Variants in DNM3 observed in about 807,000 individuals in gnomAD.
The protein encoded by DNM3 is dynamin-3.
A neutral mutation model predicts 101.6 loss-of-function variants in DNM3; 47 were observed. The ratio of observed to expected loss-of-function variants is 0.46; its 90% CI spans 0.37 to 0.59. The LOEUF (loss-of-function observed/expected upper bound fraction) is 0.59, where lower values mean the gene tolerates loss of function less well. DNM3 is among the 20% of genes least tolerant of loss of function. The pLI is 0.00. For synonymous variants in DNM3, 385 were observed against 387.9 expected (o/e 0.99, Z 0.09); for missense variants, 849 against 1,085.7 (o/e 0.78, Z 3.06).
intron 13 of DNM3, among the ~76,000 whole-genome samples, chr1:172,110,369 T>C (rs961526813): frequency 3.5e-4 from 54 of 152,240 alleles, no homozygotes; most frequent in Non-Finnish European, 1.3e-4. Context: ...TATCTACTTG[T>C]TTAATGTCCA....
chr1:172,110,356 G>T (rs548028728), intron 13 of DNM3, among the ~76,000 whole-genome samples: 197 of 152,236 alleles, frequency 1.3e-3, no homozygotes, highest in Middle Eastern at 0.01. Context: ...CCACAGTTTT[G>T]TATATCTACT....
At chr1:172,131,395 G>A (rs1461370599) in intron 14 of DNM3, 107 bp downstream of exon 14, 1 of 902,766 alleles carries the variant, frequency 1.1e-6, no homozygotes, top group Non-Finnish European at 1.7e-6. Context: ...TTCTCTTTCA[G>A]TGAGATTAAG....
In DNM3 at chr1:171,981,382, A is replaced by G. The variant is rs145540027; in HGVS notation, c.236-6274A>G. On this transcript the variant is annotated intron_variant, in intron 2 of 20. Coordinates refer to ENST00000627582, the MANE Select transcript of DNM3 (RefSeq NM_015569.5). The stretch of plus-strand genomic sequence containing the variant: ...AGAGATCATTTTTTCCTAGTGCTCT[A>G]TAATAATTCCTTTCTACTTAACCTT... Among the ~76,000 whole-genome samples the G allele has an allele frequency of 3.2e-4, 49 of 152,350 alleles. No homozygotes were observed. The East Asian group carries it at 8.3e-3, about 26-fold the overall frequency.
chr1:172,062,508 A>G (rs2051320943), intron 10 of DNM3, among the ~76,000 whole-genome samples: 1 of 152,058 alleles, frequency 6.6e-6, no homozygotes, highest in Admixed American at 6.5e-5. Context: ...AAGTTTTTCC[A>G]TCTTATACCT....
At chr1:172,009,155 T>C (rs2046950611) in intron 4 of DNM3, among the ~76,000 whole-genome samples, 1 of 140,306 alleles carries the variant, frequency 7.1e-6, no homozygotes, top group Non-Finnish European at 1.5e-5. Flanking sequence ...TATTATATGA[T>C]ATATAATATT....
intron 14 of DNM3, among the ~76,000 whole-genome samples, chr1:172,238,214 A>G (rs1044029574): frequency 1.3e-5 from 2 of 152,126 alleles, no homozygotes; most frequent in Non-Finnish European, 2.9e-5. Flanking sequence ...TAATTCTCAC[A>G]AGAACTCACA....
chr1:172,027,349 C>T (rs1203806680), intron 4 of DNM3, among the ~76,000 whole-genome samples: 3 of 152,026 alleles, frequency 2.0e-5, no homozygotes, highest in African/African-American at 7.2e-5. Context: ...CTTTAGGATG[C>T]CGAGGTGGGT....
chr1:171,872,149 C>T (rs2035355826), intron 1 of DNM3, among the ~76,000 whole-genome samples: 1 of 152,082 alleles, frequency 6.6e-6, no homozygotes, highest in African/African-American at 2.4e-5. Flanking sequence ...CAGAGATCAT[C>T]ACATTTGAGT....
chr1:172,286,295 C>T (rs1399862692), intron 15 of DNM3, among the ~76,000 whole-genome samples: 1 of 152,066 alleles, frequency 6.6e-6, no homozygotes, highest in African/African-American at 2.4e-5. Flanking sequence ...CAGGCTATTA[C>T]CATATATTCT....
chr1:172,409,342 T>C lies in DNM3; in HGVS notation c.*1501T>C, dbSNP rs2071084749. 1.0e-6 allele frequency: 1 copy of C among 985,140 alleles called. No individual in the cohort carries two copies. Among genetic ancestry groups the C allele is most frequent in the African/African-American group, 1.7e-5 (1 of 57,242 alleles). 61.0% of individuals were successfully genotyped at this position (985,140 alleles called of 1,614,324 possible). On this transcript the variant is annotated 3_prime_UTR_variant, in exon 21 of 21. Coordinates refer to ENST00000627582, the MANE Select transcript of DNM3 (RefSeq NM_015569.5). Reference sequence around the variant, plus strand: ...CTTAACTTTAATTTCCTGTGTAGTTTACACCCAGAGCAGATACTCATAAAG... The same window carrying C: ...CTTAACTTTAATTTCCTGTGTAGTTCACACCCAGAGCAGATACTCATAAAG...
At chr1:172,220,794 T>C (rs1457510429) in intron 14 of DNM3, among the ~76,000 whole-genome samples, 1 of 152,218 alleles carries the variant, frequency 6.6e-6, no homozygotes, top group Non-Finnish European at 1.5e-5. Flanking sequence ...TATCACAATC[T>C]GACCCGTTGA....
Position 172,412,319 on chromosome 1 carries a change from CCA to C in DNM3, c.*4479_*4480del. Reference sequence around the variant, plus strand: ...GTCTAACCACTTGCCTTGTCTGCTACCAGTTTGTTAAAAATTATTCCCCCCAA... The same window carrying C: ...GTCTAACCACTTGCCTTGTCTGCTACGTTTGTTAAAAATTATTCCCCCCAA... On this transcript the variant is annotated 3_prime_UTR_variant, in exon 21 of 21. Transcript: ENST00000627582. The C allele has an allele frequency of 1.0e-6, 1 of 985,420 alleles. No homozygotes were observed. The highest frequency in any genetic ancestry group is 4.7e-5 in the South Asian group (1 of 21,278). The allele number at this position is 985,420 out of a possible 1,614,324, so 61.0% of individuals were successfully genotyped here. A position where few individuals can be genotyped will look rare whatever the true frequency, so the allele number is the denominator to read the frequency against.
chr1:172,283,541 C>T (rs950056814), intron 15 of DNM3, among the ~76,000 whole-genome samples: 5 of 151,916 alleles, frequency 3.3e-5, no homozygotes, highest in Admixed American at 6.6e-5. Context: ...GTGGGCAGAT[C>T]ATGAGGTCAA....
intron 2 of DNM3, among the ~76,000 whole-genome samples, chr1:171,922,127 G>A (rs1461144914): frequency 8.2e-6 from 1 of 121,510 alleles, no homozygotes; most frequent in Non-Finnish European, 1.7e-5. Context: ...TATGCTTTGT[G>A]TGTGTGTGTG....
intron 9 of DNM3, among the ~76,000 whole-genome samples, chr1:172,047,362 G>A (rs916165270): frequency 2.0e-5 from 3 of 152,144 alleles, no homozygotes; most frequent in African/African-American, 7.2e-5. Flanking sequence ...GGTCTCAGCA[G>A]CAAGACTGGA....
intron 1 of DNM3, among the ~76,000 whole-genome samples, chr1:171,847,168 G>A (rs1317503056): frequency 6.6e-6 from 1 of 152,156 alleles, no homozygotes; most frequent in Non-Finnish European, 1.5e-5. Context: ...AAAGAGAACT[G>A]ACAGGATAAA....
intron 15 of DNM3, among the ~76,000 whole-genome samples, chr1:172,297,671 T>C (rs2064232879): frequency 6.6e-6 from 1 of 152,172 alleles, no homozygotes; most frequent in Non-Finnish European, 1.5e-5. Context: ...CGTTTATATC[T>C]TTATTGCTTT....
At chr1:172,327,447 G>C (rs185295878) in intron 17 of DNM3, among the ~76,000 whole-genome samples, 2 of 152,104 alleles carry the variant, frequency 1.3e-5, no homozygotes, top group African/African-American at 4.8e-5. Flanking sequence ...GTCCTTGGTC[G>C]TATGTGAGAG....
At position 171,996,163 on chromosome 1, in the gene DNM3, A is replaced by G. The variant is rs528014335; in HGVS notation, c.589+7015A>G. Among the ~76,000 whole-genome samples, 3 of 152,308 alleles carry G rather than the reference A, an allele frequency of 2.0e-5. No homozygotes were observed. In the East Asian group the frequency reaches 5.8e-4, roughly 29 times the overall value. On this transcript the variant is annotated intron_variant, in intron 4 of 20. Coordinates refer to ENST00000627582, the MANE Select transcript of DNM3 (RefSeq NM_015569.5). ...TAGAATGTCACAAATTTGTGGCTAG[A>G]CAAAGTTCAAGCTCATCTTTTGCAT...
Sources: gnomAD v4.1 joint callset for allele counts (sites outside exome capture counted in the v4.1 genomes callset) on GRCh38, gnomAD v4.1.1 for gene constraint, MANE v1.5 for transcripts, NCBI Gene and HGNC (gene_info 2026-07-23, HGNC 2026-07-21) for gene names.